Variants in TNFRSF13B observed in about 807,000 individuals in gnomAD.
TNFRSF13B encodes the protein tumor necrosis factor receptor superfamily member 13B.
Under a neutral mutation model 24.0 loss-of-function variants are expected in TNFRSF13B, and 34 were observed. That is an observed-to-expected ratio of 1.41 (90% CI 1.08 to 1.88). The LOEUF (loss-of-function observed/expected upper bound fraction) is 1.88. Among genes scored for constraint, TNFRSF13B ranks in the 40% most tolerant of loss-of-function variants. TNFRSF13B has a pLI of 0.00. For missense variants in TNFRSF13B, 415 were observed against 380.8 expected, an observed-to-expected ratio of 1.09 and a Z score of -0.75; for synonymous variants, 173 against 150.3, an observed-to-expected ratio of 1.15 and a Z score of -1.10.
At position 16,948,850 on chromosome 17, in the gene TNFRSF13B, T is replaced by C. The variant is rs1175487307; in HGVS notation, c.333A>G (p.Pro111=). ...AYFCENKLRS[P]VNLPPELRRQ... ...TCCTGAGCTCTGGTGGAAGGTTCAC[T>C]GGGCTCCTGAGCTTGTTCTCACAGA... is the stretch of plus-strand genomic sequence containing the variant. The change falls in exon 3 of 5, where the codon CCA becomes CCG. Residue 111 remains proline (P), a synonymous_variant. Coordinates refer to ENST00000261652, the MANE Select transcript of TNFRSF13B (RefSeq NM_012452.3). The C allele has an allele frequency of 1.2e-6, 2 of 1,614,256 alleles. No individual in the cohort carries two copies. Among genetic ancestry groups the C allele is most frequent in the Non-Finnish European group, 1.7e-6 (2 of 1,180,038 alleles).
intron 1 of TNFRSF13B, among the ~76,000 whole-genome samples, chr17:16,953,631 A>G (rs1279179745): frequency 2.0e-5 from 3 of 152,178 alleles, no homozygotes; most frequent in South Asian, 2.1e-4. Flanking sequence ...CGCTCTCTGC[A>G]TGTCTGGTTT....
chr17:16,957,177 CTT>C (rs35401230), intron 1 of TNFRSF13B, among the ~76,000 whole-genome samples: 3 of 135,590 alleles, frequency 2.2e-5, no homozygotes, highest in Non-Finnish European at 3.2e-5. Flanking sequence ...TAAAAGTAGT[CTT>C]TTTTTTTTTT....
chr17:16,954,374 A>G (rs1397123026), intron 1 of TNFRSF13B, among the ~76,000 whole-genome samples: 3 of 152,150 alleles, frequency 2.0e-5, no homozygotes, highest in African/African-American at 7.2e-5. Flanking sequence ...ACAGAGTGAG[A>G]CCCAGTCTCT....
chr17:16,941,219 C>T (rs1462593328), intron 3 of TNFRSF13B: 1 of 987,292 alleles, frequency 1.0e-6, no homozygotes, highest in Non-Finnish European at 1.2e-6. Context: ...TGGTTGAATC[C>T]ACAGACATGG....
At chr17:16,944,653 C>T (rs1297330178) in intron 3 of TNFRSF13B, among the ~76,000 whole-genome samples, 2 of 152,190 alleles carry the variant, frequency 1.3e-5, no homozygotes, top group East Asian at 3.9e-4. Context: ...TGGCCTTCCA[C>T]GAGACAGTGA....
At chr17:16,964,374 C>T (rs984548869) in intron 1 of TNFRSF13B, among the ~76,000 whole-genome samples, 1 of 124,906 alleles carries the variant, frequency 8.0e-6, no homozygotes, top group African/African-American at 3.0e-5. Flanking sequence ...TGGAGTTTCA[C>T]TCTTGTTCCC....
rs761651931 is a variant in TNFRSF13B at position 16,972,025 on chromosome 17, C to T, written c.51G>A (p.Gln17=). ...TGCCCGGCTACTCACAGCGCTCCTC[C>T]TGGTCCACACGGCTCCGGCCACCTC... is the stretch of plus-strand genomic sequence containing the variant. The part of the protein sequence containing the change: ...SRRGGRSRVD[Q]EERFPQGLWT... The change falls in exon 1 of 5, where the codon CAG becomes CAA. Residue 17 remains glutamine (Q), a synonymous_variant. Transcript: ENST00000261652. 1 of 1,614,060 alleles carries T rather than the reference C, an allele frequency of 6.2e-7. No individual in the cohort carries two copies. The highest frequency in any genetic ancestry group is 1.3e-5 in the African/African-American group (1 of 74,946).
Position 16,969,616 on chromosome 17 carries a change from A to C in TNFRSF13B, c.61+2399T>G, listed in dbSNP as rs116393424. Among the ~76,000 whole-genome samples the C allele has an allele frequency of 3.3e-3, 499 of 152,276 alleles. 5 individuals are homozygous for C. The highest frequency in any genetic ancestry group is 0.011 in the African/African-American group (468 of 41,552). On this transcript the variant is annotated intron_variant, in intron 1 of 4. Coordinates refer to ENST00000261652, the MANE Select transcript of TNFRSF13B (RefSeq NM_012452.3). The stretch of plus-strand genomic sequence containing the variant: ...ATTAGCTTATGGTGATGGTTGCACA[A>C]CTCTGTAAATATACTAAAAACACAG...
chr17:16,941,175 C>A (rs1484689062), intron 3 of TNFRSF13B: 22 of 960,850 alleles, frequency 2.3e-5, no homozygotes, highest in South Asian at 4.8e-5. Flanking sequence ...ATGCAACTAT[C>A]CCCTATCTTT....
chr17:16,948,824 CT>C lies in TNFRSF13B; in HGVS notation c.358del (p.Arg120AspfsTer34), dbSNP rs2087567507. The C allele has an allele frequency of 6.2e-7, 1 of 1,614,240 alleles. No individual in the cohort carries two copies. Among genetic ancestry groups the C allele is most frequent in the Non-Finnish European group, 8.5e-7 (1 of 1,180,036 alleles). On this transcript the variant is annotated frameshift_variant, in exon 3 of 5. Coordinates refer to ENST00000261652, the MANE Select transcript of TNFRSF13B (RefSeq NM_012452.3). LOFTEE classifies it high-confidence loss of function. ...SPVNLPPELR[R>X]QRSGEVENNS... ...GTTTTCAACTTCTCCACTCCGCTGT[CT>C]CCTGAGCTCTGGTGGAAGGTTCACT...
intron 3 of TNFRSF13B, among the ~76,000 whole-genome samples, chr17:16,948,171 A>G (rs1371290766): frequency 2.6e-5 from 4 of 152,132 alleles, no homozygotes; most frequent in Non-Finnish European, 5.9e-5. Context: ...AACAACAGAC[A>G]CTGGGGCCTA....
intron 4 of TNFRSF13B, 128 bp from the exon 5 acceptor site, chr17:16,939,925 A>G: frequency 1.5e-6 from 2 of 1,328,436 alleles, no homozygotes; most frequent in Non-Finnish European, 2.0e-6. Flanking sequence ...GAACGCCCCC[A>G]GACAGGTGTC....
chr17:16,968,706 T>TA (rs1394894254), intron 1 of TNFRSF13B, among the ~76,000 whole-genome samples: 5 of 152,220 alleles, frequency 3.3e-5, no homozygotes, highest in African/African-American at 1.2e-4. Context: ...AAATTGGACT[T>TA]AATCAAATGA....
chr17:16,954,882 G>A (rs777667565), intron 1 of TNFRSF13B, among the ~76,000 whole-genome samples: 3 of 152,224 alleles, frequency 2.0e-5, no homozygotes, highest in Admixed American at 6.5e-5. Context: ...GGCAACAGGG[G>A]AATTGTGATA....
chr17:16,951,065 C>T (rs755850086), intron 2 of TNFRSF13B, among the ~76,000 whole-genome samples: 2 of 152,188 alleles, frequency 1.3e-5, no homozygotes, highest in Non-Finnish European at 1.5e-5. Flanking sequence ...AGCACTCCAT[C>T]TATGTTTGTG....
intron 3 of TNFRSF13B, 142 bp downstream of exon 3, chr17:16,948,596 G>T: frequency 3.3e-6 from 4 of 1,200,668 alleles, no homozygotes; most frequent in Non-Finnish European, 4.8e-6. Context: ...TTTTATCCTG[G>T]GATGATCTCC....
chr17:16,940,035 C>T, intron 4 of TNFRSF13B: 1 of 981,674 alleles, frequency 1.0e-6, no homozygotes, highest in Non-Finnish European at 1.5e-6. Flanking sequence ...CCACGCCCCC[C>T]AAGGGGACAC....
At chr17:16,955,369 T>C (rs2087617453) in intron 1 of TNFRSF13B, among the ~76,000 whole-genome samples, 1 of 152,242 alleles carries the variant, frequency 6.6e-6, no homozygotes, top group South Asian at 2.1e-4. Flanking sequence ...GAGAGGATTG[T>C]GTATCTAAGA....
chr17:16,943,450 C>T (rs2143647358), intron 3 of TNFRSF13B, among the ~76,000 whole-genome samples: 1 of 152,312 alleles, frequency 6.6e-6, no homozygotes, highest in South Asian at 2.1e-4. Flanking sequence ...GCACCTCTCC[C>T]TCCAGTTCTA....
Sources: gnomAD v4.1 joint callset for allele counts (sites outside exome capture counted in the v4.1 genomes callset) on GRCh38, gnomAD v4.1.1 for gene constraint, MANE v1.5 for transcripts, NCBI Gene and HGNC (gene_info 2026-07-23, HGNC 2026-07-21) for gene names.